The following ACOT12 variants were observed in gnomAD, a reference collection of about 807,000 sequenced individuals.
ACOT12 encodes acyl-CoA thioesterase 12, also known as acetyl-coenzyme A thioesterase.
Under a neutral mutation model 67.7 loss-of-function variants are expected in ACOT12, and 51 were observed. That is an observed-to-expected ratio of 0.75 (90% CI 0.60 to 0.95). The LOEUF (loss-of-function observed/expected upper bound fraction) is 0.95, where lower values mean the gene tolerates loss of function less well. ACOT12 is among the 40% of genes least tolerant of loss of function. The pLI is 0.00. For synonymous variants in ACOT12, 251 were observed against 244.6 expected (o/e 1.03, Z -0.24); for missense variants, 734 against 708.1 (o/e 1.04, Z -0.41).
At chr5:81,337,554 G>A (rs1759043878) in intron 11 of ACOT12, among the ~76,000 whole-genome samples, 2 of 152,260 alleles carry the variant, frequency 1.3e-5, no homozygotes, top group South Asian at 4.1e-4. Context: ...AAGGGACATT[G>A]GACATAGACA....
chr5:81,342,002 T>A (rs796219891), intron 11 of ACOT12, among the ~76,000 whole-genome samples: 1 of 152,166 alleles, frequency 6.6e-6, no homozygotes, highest in Non-Finnish European at 1.5e-5. Context: ...TTTATTTATT[T>A]TTTTTAGAGA....
intron 5 of ACOT12, among the ~76,000 whole-genome samples, chr5:81,353,408 T>C (rs1315869072): frequency 6.6e-6 from 1 of 152,206 alleles, no homozygotes; most frequent in Non-Finnish European, 1.5e-5. Flanking sequence ...GTTCAATACG[T>C]GTACTTTGGA....
At chr5:81,322,593 A>G in the ACOT12 span, among the ~76,000 whole-genome samples, 3 of 152,284 alleles carry the variant, frequency 2.0e-5, no homozygotes, top group African/African-American at 7.2e-5. Flanking sequence ...ATAGATTTTG[A>G]GGATAGACCA....
chr5:81,376,147 C>T (rs28874676), intron 2 of ACOT12, among the ~76,000 whole-genome samples: 13,170 of 152,074 alleles, frequency 0.087, 644 homozygotes, highest in Middle Eastern at 0.13. Flanking sequence ...GTCTCTCAGA[C>T]CACAGTGCAA....
At chr5:81,321,497 G>T in the ACOT12 span, among the ~76,000 whole-genome samples, 1 of 152,098 alleles carries the variant, frequency 6.6e-6, no homozygotes, top group East Asian at 1.9e-4. Context: ...TATATTTAAA[G>T]AAATTTTAAA....
At chr5:81,332,638 C>T in intron 12 of ACOT12, 33 bp from the exon 13 acceptor site, 21 of 1,611,408 alleles carry the variant, frequency 1.3e-5, no homozygotes, top group Non-Finnish European at 1.8e-5. Flanking sequence ...AGCAGGTATA[C>T]TTTCTACCTG....
chr5:81,309,106 C>G, the ACOT12 span: 11 of 1,140,552 alleles, frequency 9.6e-6, no homozygotes, highest in Admixed American at 2.0e-4. Context: ...AATTTACACT[C>G]AATCACAGTT....
chr5:81,359,024 T>A (rs1446554548), intron 5 of ACOT12, among the ~76,000 whole-genome samples: 1 of 152,030 alleles, frequency 6.6e-6, no homozygotes, highest in Non-Finnish European at 1.5e-5. Context: ...GGCTGCTACC[T>A]CTCCCTTTCC....
chr5:81,312,822 A>G, the ACOT12 span: 1 of 528,398 alleles, frequency 1.9e-6, no homozygotes, highest in Non-Finnish European at 3.4e-6. Context: ...CTGTCTATCA[A>G]ATAGTACTTC....
chr5:81,315,050 T>C, the ACOT12 span, among the ~76,000 whole-genome samples: 4 of 152,192 alleles, frequency 2.6e-5, no homozygotes, highest in Admixed American at 1.3e-4. Flanking sequence ...TACAAACTTA[T>C]CTTTCACTTT....
At chr5:81,377,945 G>C (rs929378103) in intron 2 of ACOT12, among the ~76,000 whole-genome samples, 10 of 152,082 alleles carry the variant, frequency 6.6e-5, no homozygotes, top group African/African-American at 1.9e-4. Flanking sequence ...CTATCCCCAT[G>C]AAGCTACCAT....
At chr5:81,359,770 T>G in intron 5 of ACOT12, 133 bp downstream of exon 5, 1 of 953,254 alleles carries the variant, frequency 1.0e-6, no homozygotes, top group Non-Finnish European at 1.5e-6. Context: ...AGCCACCGGG[T>G]TTGTTGGAAA....
At chr5:81,321,840 G>A in the ACOT12 span, among the ~76,000 whole-genome samples, 3 of 152,224 alleles carry the variant, frequency 2.0e-5, no homozygotes, top group South Asian at 2.1e-4. Flanking sequence ...CCAGCTACCC[G>A]GGAGGCTGAG....
intron 2 of ACOT12, among the ~76,000 whole-genome samples, chr5:81,380,427 G>C (rs1408331007): frequency 6.6e-6 from 1 of 152,060 alleles, no homozygotes; most frequent in East Asian, 1.9e-4. Flanking sequence ...AGCTGTGTGT[G>C]GTGGCACGTG....
intron 5 of ACOT12, among the ~76,000 whole-genome samples, chr5:81,359,089 T>G (rs575667221): frequency 1.7e-4 from 26 of 152,278 alleles, no homozygotes; most frequent in Non-Finnish European, 2.8e-4. Flanking sequence ...TGTTCTGACA[T>G]GTTCTTGTCC....
intron 6 of ACOT12, among the ~76,000 whole-genome samples, 182 bp from the exon 7 acceptor site, chr5:81,346,186 C>T (rs1003706663): frequency 1.3e-5 from 2 of 152,210 alleles, no homozygotes; most frequent in African/African-American, 2.4e-5. Flanking sequence ...ACCATGTCCC[C>T]GAGCAGTGGG....
At chr5:81,350,109 A>AT (rs1267850770) in intron 5 of ACOT12, among the ~76,000 whole-genome samples, 5 of 151,924 alleles carry the variant, frequency 3.3e-5, no homozygotes, top group African/African-American at 1.2e-4. Flanking sequence ...TTTCCGGAGA[A>AT]TTTTTTTGCA....
At chr5:81,364,917 TCA>T (rs1157224484) in intron 3 of ACOT12, among the ~76,000 whole-genome samples, 1 of 152,146 alleles carries the variant, frequency 6.6e-6, no homozygotes, top group Admixed American at 6.5e-5. Context: ...CAGCATAGTC[TCA>T]GAGTTTCATA....
At chr5:81,345,080 T>C in intron 7 of ACOT12, 39 bp from the exon 8 acceptor site, 1 of 1,610,286 alleles carries the variant, frequency 6.2e-7, no homozygotes, top group Non-Finnish European at 8.5e-7. Context: ...AAAGAGGATC[T>C]TGACCCATCA....
Sources: allele counts gnomAD v4.1 joint callset (sites outside exome capture counted in the v4.1 genomes callset), GRCh38; gene constraint gnomAD v4.1.1; transcripts MANE v1.5; gene names NCBI Gene and HGNC (gene_info 2026-07-23, HGNC 2026-07-21).